The following PMFBP1 variants were observed in gnomAD, a reference collection of about 807,000 sequenced individuals.
The protein encoded by PMFBP1 is polyamine-modulated factor 1-binding protein 1.
Under a neutral mutation model 137.8 loss-of-function variants are expected in PMFBP1, and 131 were observed. The observed-to-expected ratio is 0.95, with a 90% CI of 0.82 to 1.10. PMFBP1 has a LOEUF of 1.10. Ranked by LOEUF, PMFBP1 falls within the 50% of genes least tolerant of loss-of-function variation. PMFBP1 has a pLI of 0.00. For synonymous variants in PMFBP1, 490 were observed against 450.4 expected (o/e 1.09, Z -1.11); for missense variants, 1,199 against 1,175.4 (o/e 1.02, Z -0.29).
intron 9 of PMFBP1, among the ~76,000 whole-genome samples, chr16:72,136,200 T>C (rs2042628681): frequency 6.6e-6 from 1 of 152,206 alleles, no homozygotes; most frequent in Non-Finnish European, 1.5e-5. Flanking sequence ...TCTTGCTACC[T>C]TGCGGGGCTT....
the PMFBP1 span, among the ~76,000 whole-genome samples, chr16:72,191,266 G>A: frequency 1.3e-5 from 2 of 152,168 alleles, no homozygotes; most frequent in Non-Finnish European, 2.9e-5. Flanking sequence ...AAGGTGTTAA[G>A]AAAATGTAAA....
chr16:72,133,856 A>T (rs1482683326), intron 9 of PMFBP1, among the ~76,000 whole-genome samples: 5 of 152,152 alleles, frequency 3.3e-5, no homozygotes, highest in Non-Finnish European at 7.3e-5. Flanking sequence ...GTGAGAAGTA[A>T]TGCAGGACCC....
chr16:72,148,595 A>G (rs546473432), intron 5 of PMFBP1, among the ~76,000 whole-genome samples: 3 of 152,348 alleles, frequency 2.0e-5, no homozygotes, highest in African/African-American at 7.2e-5. Flanking sequence ...AAAGTTACAG[A>G]CTGGGAGAAA....
At chr16:72,163,783 G>A (rs2043099001) in intron 3 of PMFBP1, among the ~76,000 whole-genome samples, 1 of 152,212 alleles carries the variant, frequency 6.6e-6, no homozygotes, top group African/African-American at 2.4e-5. Context: ...AACCTGGATG[G>A]AATTGGAGAC....
chr16:72,127,960 T>C (rs1054868761), intron 14 of PMFBP1, among the ~76,000 whole-genome samples: 5 of 152,232 alleles, frequency 3.3e-5, no homozygotes, highest in Admixed American at 2.0e-4. Flanking sequence ...CAAGGTGTTA[T>C]ATTTTTCTCT....
the PMFBP1 span, among the ~76,000 whole-genome samples, chr16:72,239,712 T>G: frequency 6.6e-5 from 10 of 151,588 alleles, no homozygotes; most frequent in African/African-American, 2.4e-4. Flanking sequence ...GCCAACATGG[T>G]GAAACCCCGT....
At chr16:72,195,237 C>T in the PMFBP1 span, among the ~76,000 whole-genome samples, 1 of 152,166 alleles carries the variant, frequency 6.6e-6, no homozygotes, top group Non-Finnish European at 1.5e-5. Flanking sequence ...ATCTTTGCAC[C>T]AGATTGTCCT....
At chr16:72,204,960 G>A in the PMFBP1 span, among the ~76,000 whole-genome samples, 1 of 152,164 alleles carries the variant, frequency 6.6e-6, no homozygotes, top group Non-Finnish European at 1.5e-5. Context: ...GTGGTTACTG[G>A]CTGCCATATT....
Position 72,126,243 on chromosome 16 carries a change from C to A in PMFBP1, c.2089-111G>T, listed in dbSNP as rs1297615748. 2.5e-6 allele frequency: 3 copies of A among 1,204,522 alleles called. No individual in the cohort carries two copies. In the East Asian group the frequency reaches 7.0e-5, roughly 28 times the overall value. 74.6% of individuals were successfully genotyped at this position (1,204,522 alleles called of 1,614,324 possible). A position where few individuals can be genotyped will look rare whatever the true frequency, so the allele number is the denominator to read the frequency against. On this transcript the variant is annotated intron_variant, in intron 14 of 20. Coordinates refer to ENST00000237353, the MANE Select transcript of PMFBP1 (RefSeq NM_031293.3). ...CAAGCTCTCTCCTGTCTGCAGCAAC[C>A]TGCAGAGTCCGTGTTAACACTCACA... is the stretch of plus-strand genomic sequence containing the variant.
At chr16:72,243,055 T>C in the PMFBP1 span, among the ~76,000 whole-genome samples, 3 of 152,244 alleles carry the variant, frequency 2.0e-5, no homozygotes, top group African/African-American at 7.2e-5. Flanking sequence ...GCCTGACTTT[T>C]GTCTTTTTAT....
the PMFBP1 span, among the ~76,000 whole-genome samples, chr16:72,230,984 C>G: frequency 6.6e-6 from 1 of 152,172 alleles, no homozygotes; most frequent in African/African-American, 2.4e-5. Flanking sequence ...AAGACATAAT[C>G]AGTTAAACAT....
the PMFBP1 span, among the ~76,000 whole-genome samples, chr16:72,249,655 G>A: frequency 2.0e-5 from 3 of 151,590 alleles, no homozygotes; most frequent in African/African-American, 7.3e-5. Flanking sequence ...AGTGTCTCAC[G>A]CCTGTAATCC....
chr16:72,189,508 G>A, the PMFBP1 span, among the ~76,000 whole-genome samples: 1 of 152,200 alleles, frequency 6.6e-6, no homozygotes, highest in South Asian at 2.1e-4. Flanking sequence ...GGCAAAGAGG[G>A]CTGAGAAGGA....
the PMFBP1 span, among the ~76,000 whole-genome samples, chr16:72,198,369 C>A: frequency 2.2e-4 from 33 of 152,240 alleles, no homozygotes; most frequent in Non-Finnish European, 2.9e-5. Context: ...TAATCTTACT[C>A]AGGCAGCCCC....
At chr16:72,209,785 G>A in the PMFBP1 span, among the ~76,000 whole-genome samples, 1 of 152,174 alleles carries the variant, frequency 6.6e-6, no homozygotes, top group African/African-American at 2.4e-5. Context: ...TACACGAGAA[G>A]TGACAATGAA....
chr16:72,236,203 G>T, the PMFBP1 span, among the ~76,000 whole-genome samples: 1 of 152,078 alleles, frequency 6.6e-6, no homozygotes, highest in Non-Finnish European at 1.5e-5. Context: ...TCATGAATGG[G>T]TATTAGATTT....
At chr16:72,208,521 C>A in the PMFBP1 span, among the ~76,000 whole-genome samples, 2 of 152,192 alleles carry the variant, frequency 1.3e-5, no homozygotes, top group African/African-American at 2.4e-5. Flanking sequence ...CCAAAGGTAA[C>A]TTTAAAGTAG....
At chr16:72,180,229 T>C (rs1376170104), upstream of PMFBP1, among the ~76,000 whole-genome samples, 1 of 152,132 alleles carries the variant, frequency 6.6e-6, no homozygotes. Flanking sequence ...CAGGGAAGCT[T>C]CTGGTGCATA....
chr16:72,171,470 C>G, intron 1 of PMFBP1: 1 of 476,468 alleles, frequency 2.1e-6, no homozygotes. Flanking sequence ...GGTTTTACAT[C>G]TTTTCCAGAA....
Sources: gnomAD v4.1 joint callset for allele counts (sites outside exome capture counted in the v4.1 genomes callset) on GRCh38, gnomAD v4.1.1 for gene constraint, MANE v1.5 for transcripts, NCBI Gene and HGNC (gene_info 2026-07-23, HGNC 2026-07-21) for gene names.